PARVB: variants seen among roughly 807,000 people sequenced by gnomAD.
PARVB encodes the protein parvin beta.
Under a neutral mutation model 47.0 loss-of-function variants are expected in PARVB, and 46 were observed. The ratio of observed to expected loss-of-function variants is 0.98; its 90% CI spans 0.77 to 1.25. The LOEUF (loss-of-function observed/expected upper bound fraction) is 1.25. Ranked by LOEUF, PARVB falls within the 50% of genes most tolerant of loss-of-function variation. PARVB has a pLI of 0.00. For missense variants in PARVB, 473 were observed against 471.6 expected (o/e 1.00, Z -0.03); for synonymous variants, 196 against 196.3 (o/e 1.00, Z 0.01).
At chr22:44,158,976 G>A (rs1159639923) in intron 11 of PARVB, among the ~76,000 whole-genome samples, 1 of 152,224 alleles carries the variant, frequency 6.6e-6, no homozygotes, top group African/African-American at 2.4e-5. Flanking sequence ...CTGTTTGCTT[G>A]TGGCCAAATG....
At chr22:44,098,652 A>G (rs2052367381) in intron 2 of PARVB, among the ~76,000 whole-genome samples, 1 of 151,568 alleles carries the variant, frequency 6.6e-6, no homozygotes, top group African/African-American at 2.4e-5. Flanking sequence ...ACTCCCGAGA[A>G]CTCCCTGCAC....
chr22:44,052,062 A>G lies in PARVB; in HGVS notation c.112+27611A>G, dbSNP rs375451485. Among the ~76,000 whole-genome samples the G allele has an allele frequency of 7.9e-5, 12 of 152,334 alleles. 1 individual carries two copies. The South Asian group carries it at 1.0e-3, about 13-fold the overall frequency. On this transcript the variant is annotated intron_variant, in intron 1 of 12. Coordinates refer to ENST00000338758, the MANE Select transcript of PARVB (RefSeq NM_013327.5). ...TGATCTCAGACTTCTGGCCTCCAGA[A>G]CTGGGAGAGAATCGACGTCTGTTGT...
At chr22:43,999,768 A>T in intron 2 of PARVB, 1 of 625,720 alleles carries the variant, frequency 1.6e-6, no homozygotes, top group Non-Finnish European at 2.6e-6. Flanking sequence ...CTGAGGAGGG[A>T]GGATTGTTGC....
At position 44,124,661 on chromosome 22, in the gene PARVB, G is replaced by T. The variant is rs545958608; in HGVS notation, c.376+5521G>T. ...CAGACAAGCCCCATCCTGGTGGAAG[G>T]GTCTCCCCGTGGGCCGTCCTGGAGG... On this transcript the variant is annotated intron_variant, in intron 4 of 12. Transcript: ENST00000338758. 1.0e-3 allele frequency among the ~76,000 whole-genome samples: 156 copies of T among 150,136 alleles called. 1 individual carries two copies. Among genetic ancestry groups the T allele is most frequent in the Middle Eastern group, 6.8e-3 (2 of 294 alleles).
chr22:44,151,668 C>G (rs1284705495), intron 10 of PARVB, 117 bp downstream of exon 10: 4 of 782,488 alleles, frequency 5.1e-6, no homozygotes, highest in Non-Finnish European at 9.0e-6. Context: ...TCACAAGGAA[C>G]TCCCGTGGTG....
At chr22:44,065,894 T>G (rs1427600551) in intron 1 of PARVB, among the ~76,000 whole-genome samples, 5 of 151,990 alleles carry the variant, frequency 3.3e-5, no homozygotes, top group Non-Finnish European at 7.4e-5. Flanking sequence ...CACTGAAATT[T>G]CTTTATCCAC....
intron 10 of PARVB, chr22:44,152,664 C>G (rs1773899028): frequency 6.6e-6 from 1 of 152,090 alleles, no homozygotes. Flanking sequence ...AGTCTACTTC[C>G]CCAGCCCCGA....
At chr22:44,065,607 CT>C (rs1373725750) in intron 1 of PARVB, among the ~76,000 whole-genome samples, 2 of 152,188 alleles carry the variant, frequency 1.3e-5, no homozygotes, top group African/African-American at 4.8e-5. Flanking sequence ...AATATGTAGT[CT>C]TTTTATCCCT....
At chr22:44,037,363 C>T (rs62226388) in intron 1 of PARVB, among the ~76,000 whole-genome samples, 17,231 of 152,036 alleles carry the variant, frequency 0.11, 1,041 homozygotes, top group African/African-American at 0.14. Flanking sequence ...GTGGAGGTTG[C>T]GGTGAGCTGA....
chr22:44,062,663 A>G, intron 1 of PARVB, among the ~76,000 whole-genome samples: 1 of 151,000 alleles, frequency 6.6e-6, no homozygotes, highest in Admixed American at 6.6e-5. Flanking sequence ...GAACTCAGGG[A>G]AACACTGCAT....
Position 44,157,963 on chromosome 22 carries a change from C to A in PARVB, c.844-19C>A. On this transcript the variant is annotated intron_variant, in intron 10 of 12. Coordinates refer to ENST00000338758, the MANE Select transcript of PARVB (RefSeq NM_013327.5). Reference sequence around the variant, plus strand: ...AACTCCTTACCCTGCCCGGAAACATCACAAGTCTTTCTCTGCAGTTTGCAG... The same window carrying A: ...AACTCCTTACCCTGCCCGGAAACATAACAAGTCTTTCTCTGCAGTTTGCAG... 1 of 1,585,942 alleles carries A rather than the reference C, an allele frequency of 6.3e-7. No homozygotes were observed. The highest frequency in any genetic ancestry group is 8.7e-7 in the Non-Finnish European group (1 of 1,154,758).
intron 1 of PARVB, among the ~76,000 whole-genome samples, chr22:44,082,143 G>A (rs2147006827): frequency 6.6e-6 from 1 of 152,330 alleles, no homozygotes; most frequent in East Asian, 1.9e-4. Flanking sequence ...CTTTGGGGAT[G>A]TGTATCCCAC....
intron 4 of PARVB, among the ~76,000 whole-genome samples, chr22:44,127,642 G>T (rs989990009): frequency 4.6e-5 from 7 of 151,138 alleles, no homozygotes; most frequent in African/African-American, 1.7e-4. Flanking sequence ...TCACAAGGGA[G>T]GGGGAGCCAG....
chr22:44,069,298 G>GT, intron 1 of PARVB: 1 of 787,012 alleles, frequency 1.3e-6, no homozygotes, highest in Non-Finnish European at 2.2e-6. Context: ...TCCCAGGAAG[G>GT]TGATGGGGAC....
Position 44,100,047 on chromosome 22 carries a change from TG to T in PARVB, c.203-4del. 1.9e-6 allele frequency: 3 copies of T among 1,613,630 alleles called. No individual in the cohort carries two copies. The highest frequency in any genetic ancestry group is 2.5e-6 in the Non-Finnish European group (3 of 1,179,552). ...GCTGACCGTGACTTCCTTTTGTCCC[TG>T]GCAGAGGAGAACGAGGAGCGCACGA... On this transcript the variant is annotated splice_polypyrimidine_tract_variant and splice_region_variant and intron_variant, in intron 2 of 12. Coordinates refer to ENST00000338758, the MANE Select transcript of PARVB (RefSeq NM_013327.5).
At chr22:44,147,781 A>C (rs768002609) in intron 8 of PARVB, 80 bp from the exon 9 acceptor site, 1 of 1,165,464 alleles carries the variant, frequency 8.6e-7, no homozygotes, top group Non-Finnish European at 1.3e-6. Context: ...GAGGGATCAG[A>C]AGCTGGCAGG....
Position 44,079,658 on chromosome 22 carries a change from G to C in PARVB, c.113-14270G>C, listed in dbSNP as rs1022582318. ...ACTGTGAGGCCATCCAGTTGTTTTTGCACATTGAAAACAATACATTACACT... is the reference window on the plus strand; with the variant it reads ...ACTGTGAGGCCATCCAGTTGTTTTTCCACATTGAAAACAATACATTACACT... On this transcript the variant is annotated intron_variant, in intron 1 of 12. Coordinates refer to ENST00000338758, the MANE Select transcript of PARVB (RefSeq NM_013327.5). 2.6e-5 allele frequency among the ~76,000 whole-genome samples: 4 copies of C among 152,272 alleles called. No individual in the cohort carries two copies. The East Asian group carries it at 7.7e-4, about 29-fold the overall frequency.
chr22:44,011,260 G>C (rs1484851289), intron 2 of PARVB, among the ~76,000 whole-genome samples: 2 of 152,108 alleles, frequency 1.3e-5, no homozygotes, highest in African/African-American at 4.8e-5. Context: ...GGTGGGAGCT[G>C]CACGCACCTG....
intron 3 of PARVB, among the ~76,000 whole-genome samples, chr22:44,118,812 G>A (rs1374847718): frequency 2.6e-5 from 4 of 152,038 alleles, no homozygotes; most frequent in East Asian, 1.9e-4. Flanking sequence ...TGGTTCTGGC[G>A]GCTGCAGTGC....
Sources: gnomAD v4.1 joint callset for allele counts (sites outside exome capture counted in the v4.1 genomes callset) on GRCh38, gnomAD v4.1.1 for gene constraint, MANE v1.5 for transcripts, NCBI Gene and HGNC (gene_info 2026-07-23, HGNC 2026-07-21) for gene names.